Variants in RBL1 observed in about 807,000 individuals in gnomAD.
The protein encoded by RBL1 is RB transcriptional corepressor like 1, also known as retinoblastoma-like protein 1.
A neutral mutation model predicts 123.0 loss-of-function variants in RBL1; 82 were observed. The observed-to-expected ratio is 0.67, with a 90% CI of 0.56 to 0.80. RBL1 has a LOEUF of 0.80. RBL1 is among the 30% of genes least tolerant of loss of function. The probability of loss-of-function intolerance (pLI) is 0.00; values close to 1 mark genes in which losing one functional copy is unlikely to be tolerated. For synonymous variants in RBL1, 405 were observed against 441.3 expected (o/e 0.92, Z 1.03); for missense variants, 1,171 against 1,299.6 (o/e 0.90, Z 1.52).
chr20:37,012,883 G>GC (rs1220849801), intron 19 of RBL1, among the ~76,000 whole-genome samples: 2 of 149,592 alleles, frequency 1.3e-5, no homozygotes, highest in East Asian at 2.0e-4. Flanking sequence ...GAGCCCCTCT[G>GC]CCCGGCCAGC....
chr20:37,068,928 C>T lies in RBL1; in HGVS notation c.291-742G>A, dbSNP rs1272361770. Among the ~76,000 whole-genome samples, 6 of 152,384 alleles carry T rather than the reference C, an allele frequency of 3.9e-5. 1 individual carries two copies. Among genetic ancestry groups the T allele is most frequent in the South Asian group, 4.1e-4 (2 of 4,832 alleles). On this transcript the variant is annotated intron_variant, in intron 2 of 21. Coordinates refer to ENST00000373664, the MANE Select transcript of RBL1 (RefSeq NM_002895.5). ...AAGCTGGACTGTACTGCTGCCATCT[C>T]GGCTCACTGCAACCTCCCTGCCTGA...
chr20:37,081,587 A>G (rs1038992829), intron 2 of RBL1, among the ~76,000 whole-genome samples: 3 of 152,182 alleles, frequency 2.0e-5, no homozygotes, highest in South Asian at 2.1e-4. Flanking sequence ...GACCCCCCCA[A>G]GTTTGAGGCT....
At chr20:37,079,734 C>T (rs1169829114) in intron 2 of RBL1, among the ~76,000 whole-genome samples, 2 of 152,198 alleles carry the variant, frequency 1.3e-5, no homozygotes, top group Non-Finnish European at 2.9e-5. Flanking sequence ...GCGATCCTCC[C>T]ACCTCGGCTT....
chr20:37,067,586 C>T (rs574033627), intron 3 of RBL1, among the ~76,000 whole-genome samples: 4 of 151,682 alleles, frequency 2.6e-5, no homozygotes, highest in South Asian at 2.1e-4. Flanking sequence ...TTGGCCAACA[C>T]GGTGAGACCT....
chr20:37,044,456 G>A (rs1279093724), intron 12 of RBL1, among the ~76,000 whole-genome samples: 1 of 152,064 alleles, frequency 6.6e-6, no homozygotes, highest in African/African-American at 2.4e-5. Context: ...TCCTGCCTCA[G>A]CCTCCCGAGT....
In RBL1 at chr20:37,012,386, T is replaced by C. The variant is rs373035589; in HGVS notation, c.2723-4827A>G. ...CCCAGTCTGGAAAATGAGGAGCATC[T>C]CTGCCCGGCCGCCATCCCATCTAGG... is the stretch of plus-strand genomic sequence containing the variant. On this transcript the variant is annotated intron_variant, in intron 19 of 21. Coordinates refer to ENST00000373664, the MANE Select transcript of RBL1 (RefSeq NM_002895.5). 3.3e-5 allele frequency among the ~76,000 whole-genome samples: 5 copies of C among 149,662 alleles called. No individual in the cohort carries two copies. The East Asian group carries it at 9.9e-4, about 30-fold the overall frequency.
rs2065642342 is a variant in RBL1 at position 37,091,322 on chromosome 20, C to T, written c.157-2200G>A. ...GCAGTGAGCCGAGATCACGCCACTG[C>T]ACTCCAGCCTGCGCAACGGGAGTGA... On this transcript the variant is annotated intron_variant, in intron 1 of 21. Transcript: ENST00000373664. Among the ~76,000 whole-genome samples the T allele has an allele frequency of 3.3e-5, 5 of 151,494 alleles. No homozygotes were observed. The South Asian group carries it at 1.0e-3, about 32-fold the overall frequency.
chr20:37,014,347 G>A (rs1294036904), intron 19 of RBL1, among the ~76,000 whole-genome samples: 1 of 151,934 alleles, frequency 6.6e-6, no homozygotes, highest in Non-Finnish European at 1.5e-5. Flanking sequence ...CCAAAGTGCT[G>A]GGATTGTAGA....
intron 16 of RBL1, among the ~76,000 whole-genome samples, chr20:37,029,983 G>A (rs1440111744): frequency 2.0e-5 from 3 of 152,208 alleles, no homozygotes; most frequent in Non-Finnish European, 4.4e-5. Context: ...TGGACTGGAA[G>A]ACTTGACATT....
chr20:37,000,546 A>C (rs1405778597), intron 21 of RBL1, among the ~76,000 whole-genome samples: 48 of 100,036 alleles, frequency 4.8e-4, no homozygotes, highest in South Asian at 1.4e-3. Flanking sequence ...CCTACTGGGA[A>C]GTGAGGAGCC....
Position 37,051,187 on chromosome 20 carries a change from CT to C in RBL1, c.1468-3998del, listed in dbSNP as rs914154164. 1.6e-4 allele frequency among the ~76,000 whole-genome samples: 14 copies of C among 85,022 alleles called. No individual in the cohort carries two copies. In the East Asian group the frequency reaches 4.1e-3, roughly 25 times the overall value. The allele number at this position is 85,022 out of a possible 152,430, so 55.8% of individuals were successfully genotyped here. A position where few individuals can be genotyped will look rare whatever the true frequency, so the allele number is the denominator to read the frequency against. ...CTCAGCCTCCCACAGATCTTTTTTT[CT>C]TTTTTTTTTCTGAGATGGAGTTCGC... On this transcript the variant is annotated intron_variant, in intron 11 of 21. Coordinates refer to ENST00000373664, the MANE Select transcript of RBL1 (RefSeq NM_002895.5).
chr20:36,999,498 G>A (rs1045085158), intron 21 of RBL1, among the ~76,000 whole-genome samples: 3 of 138,492 alleles, frequency 2.2e-5, no homozygotes, highest in Non-Finnish European at 4.7e-5. Context: ...CTCTCCCCAC[G>A]GTCTCCCTCT....
intron 20 of RBL1, among the ~76,000 whole-genome samples, chr20:37,004,573 C>T (rs113700295): frequency 2.0e-5 from 3 of 147,466 alleles, no homozygotes; most frequent in African/African-American, 7.5e-5. Flanking sequence ...ATTAGCTGGG[C>T]GTGGTGGCAT....
intron 7 of RBL1, among the ~76,000 whole-genome samples, chr20:37,063,319 G>C (rs955352563): frequency 2.0e-5 from 3 of 151,944 alleles, no homozygotes; most frequent in Non-Finnish European, 4.4e-5. Context: ...AGGATTATAG[G>C]TGTGAGTCAC....
chr20:37,032,063 A>G (rs2064522930), intron 16 of RBL1, among the ~76,000 whole-genome samples: 2 of 152,022 alleles, frequency 1.3e-5, no homozygotes, highest in South Asian at 4.2e-4. Context: ...AGACACCTGT[A>G]CACAAATGTT....
intron 11 of RBL1, among the ~76,000 whole-genome samples, chr20:37,047,848 C>T (rs188132480): frequency 8.6e-4 from 130 of 151,996 alleles, no homozygotes; most frequent in African/African-American, 3.0e-3. Flanking sequence ...GGTGTGGTGG[C>T]GCGTGCCTGT....
chr20:36,997,248 A>G lies in RBL1; in HGVS notation c.*1511T>C, dbSNP rs2063898108. On this transcript the variant is annotated 3_prime_UTR_variant, in exon 22 of 22. Transcript: ENST00000373664. The stretch of plus-strand genomic sequence containing the variant: ...TAGCACTGAAAAAAGCATCCCTAGT[A>G]CTGAAAAGCATCCCTAACACTGAAA... 1 of 152,148 alleles carries G rather than the reference A, an allele frequency of 6.6e-6. No homozygotes were observed. Among genetic ancestry groups the G allele is most frequent in the Non-Finnish European group, 1.5e-5 (1 of 68,080 alleles). The allele number at this position is 152,148 out of a possible 1,614,324, so 9.4% of individuals were successfully genotyped here.
Position 37,035,240 on chromosome 20 carries a change from A to G in RBL1, c.2170+2T>C. On this transcript the variant is annotated splice_donor_variant, in intron 15 of 21. Coordinates refer to ENST00000373664, the MANE Select transcript of RBL1 (RefSeq NM_002895.5). LOFTEE classifies it high-confidence loss of function. ...TACAAAACAAATGCACTATAACGTT[A>G]CCATGTAATGGAATTGTAACTTTAT... The G allele has an allele frequency of 6.2e-7, 1 of 1,610,542 alleles. No homozygotes were observed. Among genetic ancestry groups the G allele is most frequent in the Non-Finnish European group, 8.5e-7 (1 of 1,177,622 alleles).
At chr20:37,003,996 A>G in intron 20 of RBL1, 130 bp from the exon 21 acceptor site, 1 of 677,822 alleles carries the variant, frequency 1.5e-6, no homozygotes, top group Non-Finnish European at 2.2e-6. Flanking sequence ...TATGGTTGAG[A>G]AAAAAAATGA....
Sources: allele counts gnomAD v4.1 joint callset (sites outside exome capture counted in the v4.1 genomes callset), GRCh38; gene constraint gnomAD v4.1.1; transcripts MANE v1.5; gene names NCBI Gene and HGNC (gene_info 2026-07-23, HGNC 2026-07-21).